The following GRIK4 variants were observed in gnomAD, a reference collection of about 807,000 sequenced individuals.
GRIK4 encodes the protein glutamate ionotropic receptor kainate type subunit 4, also known as glutamate receptor ionotropic, kainate 4.
Under a neutral mutation model 104.9 loss-of-function variants are expected in GRIK4, and 40 were observed. That is an observed-to-expected ratio of 0.38 (90% CI 0.30 to 0.50). GRIK4 has a LOEUF of 0.50. Among genes scored for constraint, GRIK4 ranks in the 20% least tolerant of loss-of-function variants. The pLI is 0.93. For synonymous variants in GRIK4, 485 were observed against 524.9 expected (o/e 0.92, Z 1.04); for missense variants, 1,047 against 1,308.1 (o/e 0.80, Z 3.08).
At chr11:120,724,756 G>T (rs866920244) in intron 3 of GRIK4, among the ~76,000 whole-genome samples, 1 of 152,216 alleles carries the variant, frequency 6.6e-6, no homozygotes, top group Non-Finnish European at 1.5e-5. Flanking sequence ...TTCCATTAAT[G>T]TAACTACTAA....
At chr11:120,968,007 G>A (rs608154) in intron 19 of GRIK4, among the ~76,000 whole-genome samples, 118,736 of 152,044 alleles carry the variant, frequency 0.78, 46,541 homozygotes, top group Admixed American at 0.82. Flanking sequence ...TATATTTCTT[G>A]TGTATTTGTT....
At chr11:120,586,008 G>A (rs1196705662) in intron 1 of GRIK4, among the ~76,000 whole-genome samples, 2 of 152,174 alleles carry the variant, frequency 1.3e-5, no homozygotes, top group Non-Finnish European at 2.9e-5. Context: ...AGAGTGTCCA[G>A]GAGACAGCTG....
intron 4 of GRIK4, among the ~76,000 whole-genome samples, chr11:120,810,701 G>A (rs937796303): frequency 6.6e-6 from 1 of 152,084 alleles, no homozygotes; most frequent in African/African-American, 2.4e-5. Context: ...CAGCTATATG[G>A]AAATGCAGTT....
chr11:120,700,034 A>C (rs1325562301), intron 3 of GRIK4, among the ~76,000 whole-genome samples: 1 of 152,194 alleles, frequency 6.6e-6, no homozygotes, highest in African/African-American at 2.4e-5. Context: ...TATTGTGTAT[A>C]TTTGGGGTTT....
rs79373577 is a variant in GRIK4 at position 120,549,112 on chromosome 11, T to C, written c.-159+37225T>C. ...CCTGTTTCCTGGCTGTTTTTTTTTT[T>C]CACTGAGACAGAGTCTTGCCTTGTT... On this transcript the variant is annotated intron_variant, in intron 1 of 20. Transcript: ENST00000527524. The surrounding 1 kb of genome is among the most constrained non-coding windows in gnomAD (Gnocchi z 4.7). 4.6e-5 allele frequency among the ~76,000 whole-genome samples: 7 copies of C among 151,806 alleles called. No individual in the cohort carries two copies. Among genetic ancestry groups the C allele is most frequent in the Non-Finnish European group, 8.8e-5 (6 of 67,892 alleles).
intron 4 of GRIK4, among the ~76,000 whole-genome samples, chr11:120,805,209 C>T (rs899563827): frequency 1.3e-5 from 2 of 152,168 alleles, no homozygotes; most frequent in Non-Finnish European, 2.9e-5. Flanking sequence ...CCAGTCCAGT[C>T]CACAGTGTTT....
intron 4 of GRIK4, among the ~76,000 whole-genome samples, chr11:120,809,908 A>T (rs879458973): frequency 6.6e-6 from 1 of 152,166 alleles, no homozygotes; most frequent in Admixed American, 6.5e-5. Context: ...TCTACAAAAA[A>T]TAAAAAATTA....
intron 13 of GRIK4, among the ~76,000 whole-genome samples, chr11:120,921,576 C>T (rs2850806): frequency 0.45 from 69,025 of 151,956 alleles, 16,883 homozygotes; most frequent in African/African-American, 0.64. Context: ...CCCGCTTGCG[C>T]GCACTTCCTG....
chr11:120,598,388 A>G (rs978111872), intron 1 of GRIK4, among the ~76,000 whole-genome samples: 1 of 152,172 alleles, frequency 6.6e-6, no homozygotes, highest in African/African-American at 2.4e-5. Flanking sequence ...CCTCCAGTGC[A>G]GAGTTTGTGG....
chr11:120,617,395 A>T (rs1949130618), intron 1 of GRIK4, among the ~76,000 whole-genome samples: 1 of 151,816 alleles, frequency 6.6e-6, no homozygotes, highest in Non-Finnish European at 1.5e-5. Context: ...TTATTTATTT[A>T]TTGAGGCAGG....
At chr11:120,535,506 C>G (rs2136084086) in intron 1 of GRIK4, among the ~76,000 whole-genome samples, 1 of 152,108 alleles carries the variant, frequency 6.6e-6, no homozygotes, top group Middle Eastern at 3.4e-3. Context: ...GTGACACTGT[C>G]CAGGCACCAC....
chr11:120,983,067 A>AC (rs1944678831), intron 20 of GRIK4, among the ~76,000 whole-genome samples: 1 of 149,244 alleles, frequency 6.7e-6, no homozygotes, highest in Admixed American at 6.7e-5. Context: ...CTGAATTAAA[A>AC]CCCCCACTAA....
chr11:120,821,558 G>A (rs1233937349), intron 6 of GRIK4, among the ~76,000 whole-genome samples: 2 of 152,208 alleles, frequency 1.3e-5, no homozygotes, highest in African/African-American at 4.8e-5. Context: ...TCTAAGGCGA[G>A]GCAGTTCTCA....
intron 3 of GRIK4, among the ~76,000 whole-genome samples, chr11:120,801,401 GTTT>G (rs1408061038): frequency 1.3e-5 from 2 of 151,954 alleles, no homozygotes; most frequent in African/African-American, 4.8e-5. Context: ...TAATTTTTGT[GTTT>G]TTATTAGAGA....
chr11:120,871,860 G>A (rs1396796376), intron 9 of GRIK4: 2 of 456,228 alleles, frequency 4.4e-6, no homozygotes, highest in Non-Finnish European at 8.8e-6. Context: ...TGTGATGCGG[G>A]TGAACTTGGA....
chr11:120,696,500 G>A (rs1480085148), intron 3 of GRIK4, among the ~76,000 whole-genome samples: 1 of 138,688 alleles, frequency 7.2e-6, no homozygotes, highest in African/African-American at 2.6e-5. Context: ...ATGTGGTAGA[G>A]GGGGCTGTGA....
intron 8 of GRIK4, among the ~76,000 whole-genome samples, chr11:120,845,756 A>G (rs1953836859): frequency 6.6e-6 from 1 of 152,226 alleles, no homozygotes; most frequent in Non-Finnish European, 1.5e-5. Context: ...AGTTTATTGT[A>G]AAATTATTAA....
intron 1 of GRIK4, among the ~76,000 whole-genome samples, chr11:120,537,235 T>G (rs577505458): frequency 1.3e-5 from 2 of 152,306 alleles, no homozygotes; most frequent in African/African-American, 4.8e-5. Context: ...GCAGGATCCC[T>G]TGTCTCTTCC....
chr11:120,617,703 C>T (rs914455605), intron 1 of GRIK4, among the ~76,000 whole-genome samples: 66 of 152,078 alleles, frequency 4.3e-4, no homozygotes, highest in Admixed American at 4.0e-3. Flanking sequence ...TGTAGCACCT[C>T]CCCCACTCTT....
Sources: gnomAD v4.1 joint callset for allele counts (sites outside exome capture counted in the v4.1 genomes callset) on GRCh38, gnomAD v4.1.1 for gene constraint, Gnocchi (gnomAD v3.1) non-coding constraint, MANE v1.5 for transcripts, NCBI Gene and HGNC (gene_info 2026-07-23, HGNC 2026-07-21) for gene names.